The following SOX5 variants were observed in gnomAD, a reference collection of about 807,000 sequenced individuals.
The protein encoded by SOX5 is SRY-box transcription factor 5.
A neutral mutation model predicts 92.0 loss-of-function variants in SOX5; 9 were observed. The observed-to-expected ratio is 0.10, with a 90% CI of 0.06 to 0.17. The LOEUF is 0.17. SOX5 is among the 10% of genes least tolerant of loss of function. The probability of loss-of-function intolerance (pLI) is 1.00; values close to 1 mark genes in which losing one functional copy is unlikely to be tolerated. For synonymous variants in SOX5, 344 were observed against 336.3 expected (o/e 1.02, Z -0.25); for missense variants, 642 against 944.5 (o/e 0.68, Z 4.20).
intron 1 of SOX5, among the ~76,000 whole-genome samples, chr12:24,394,325 T>C (rs1959291895): frequency 6.6e-6 from 1 of 152,124 alleles, no homozygotes; most frequent in Non-Finnish European, 1.5e-5. Flanking sequence ...CAGGTACATA[T>C]TAGTTTCCCA....
At chr12:24,159,295 A>T (rs955710235) in intron 4 of SOX5, among the ~76,000 whole-genome samples, 1 of 151,938 alleles carries the variant, frequency 6.6e-6, no homozygotes, top group African/African-American at 2.4e-5. Flanking sequence ...TAAGTAAAAC[A>T]AGGTCCCTGC....
intron 1 of SOX5, among the ~76,000 whole-genome samples, chr12:24,561,833 G>A (rs1013912767): frequency 6.6e-6 from 1 of 152,140 alleles, no homozygotes; most frequent in African/African-American, 2.4e-5. Context: ...GGGTCGCTCT[G>A]ATATCCTAGA....
At chr12:23,804,945 ATATATATATATATAT>A (rs2095739636) in intron 3 of SOX5, among the ~76,000 whole-genome samples, 1 of 30,004 alleles carries the variant, frequency 3.3e-5, no homozygotes. Flanking sequence ...ATATATATAT[ATATATATATATATAT>A]ATATATATTC....
intron 13 of SOX5, among the ~76,000 whole-genome samples, chr12:23,537,037 T>G (rs973086499): frequency 6.6e-6 from 1 of 152,178 alleles, no homozygotes; most frequent in Non-Finnish European, 1.5e-5. Context: ...AATCTGAGAC[T>G]AATTATCTAG....
chr12:23,950,982 CA>C, upstream of SOX5: 1 of 610,006 alleles, frequency 1.6e-6, no homozygotes, highest in Non-Finnish European at 2.8e-6. Context: ...CGCATGCACA[CA>C]CACACACACA....
intron 3 of SOX5, among the ~76,000 whole-genome samples, chr12:23,808,462 C>G (rs1359564428): frequency 6.6e-6 from 1 of 151,960 alleles, no homozygotes; most frequent in African/African-American, 2.4e-5. Flanking sequence ...AGATTTAACC[C>G]TTAGTAATTA....
At chr12:24,516,135 C>T (rs12317893) in intron 1 of SOX5, among the ~76,000 whole-genome samples, 69,951 of 151,102 alleles carry the variant, frequency 0.46, 17,616 homozygotes, top group East Asian at 0.88. Flanking sequence ...CTCAACCTTC[C>T]GGGCTAAAGC....
intron 4 of SOX5, among the ~76,000 whole-genome samples, chr12:24,175,248 T>C (rs1458262886): frequency 6.6e-6 from 1 of 152,234 alleles, no homozygotes; most frequent in Non-Finnish European, 1.5e-5. Flanking sequence ...TCCAGCAGTT[T>C]TGCACATAGT....
intron 2 of SOX5, among the ~76,000 whole-genome samples, chr12:23,873,864 T>C (rs2096900215): frequency 6.6e-6 from 1 of 152,228 alleles, no homozygotes; most frequent in African/African-American, 2.4e-5. Context: ...GTCATTGTGC[T>C]ATAAATATTT....
chr12:24,058,945 A>G (rs1939134244), intron 4 of SOX5, among the ~76,000 whole-genome samples: 1 of 152,192 alleles, frequency 6.6e-6, no homozygotes, highest in African/African-American at 2.4e-5. Flanking sequence ...ATTCCTATGA[A>G]AAGATATCTC....
chr12:23,825,208 C>T (rs1340672198), intron 3 of SOX5, among the ~76,000 whole-genome samples: 1 of 152,146 alleles, frequency 6.6e-6, no homozygotes, highest in East Asian at 1.9e-4. Context: ...AAACCCAGGG[C>T]CCTGGTGGTA....
intron 1 of SOX5, among the ~76,000 whole-genome samples, chr12:23,910,432 C>T (rs990618621): frequency 2.0e-5 from 3 of 152,070 alleles, no homozygotes; most frequent in Admixed American, 6.6e-5. Flanking sequence ...GAAGATTTCC[C>T]GCAGGTTTAA....
chr12:23,543,845 C>T (rs1942604438), intron 12 of SOX5, among the ~76,000 whole-genome samples: 1 of 152,138 alleles, frequency 6.6e-6, no homozygotes, highest in Middle Eastern at 3.2e-3. Context: ...ACCTTATGTT[C>T]TCTTTCTCTC....
At chr12:23,557,274 T>A (rs1290568745) in intron 11 of SOX5, among the ~76,000 whole-genome samples, 1 of 152,192 alleles carries the variant, frequency 6.6e-6, no homozygotes, top group Non-Finnish European at 1.5e-5. Context: ...AAATTCTTAA[T>A]TAAAATATAC....
At chr12:23,553,791 G>C (rs1040880203) in intron 11 of SOX5, among the ~76,000 whole-genome samples, 3 of 152,226 alleles carry the variant, frequency 2.0e-5, no homozygotes, top group African/African-American at 7.2e-5. Flanking sequence ...AAAGTGGAAT[G>C]TTGTCTGATG....
intron 3 of SOX5, among the ~76,000 whole-genome samples, chr12:23,840,637 C>A (rs1439923398): frequency 2.0e-5 from 3 of 152,080 alleles, no homozygotes. Flanking sequence ...GATAGACCAA[C>A]TGATCAATGG....
chr12:24,190,651 A>G (rs1956433793), intron 4 of SOX5, among the ~76,000 whole-genome samples: 1 of 152,236 alleles, frequency 6.6e-6, no homozygotes, highest in Non-Finnish European at 1.5e-5. Flanking sequence ...CATTGTGGGT[A>G]GCAAAAGACT....
chr12:23,969,683 CA>C (rs1157035074), intron 4 of SOX5, among the ~76,000 whole-genome samples: 1 of 152,176 alleles, frequency 6.6e-6, no homozygotes, highest in Non-Finnish European at 1.5e-5. Flanking sequence ...TAAGCTAGCT[CA>C]ACCTAGTTTT....
intron 3 of SOX5, among the ~76,000 whole-genome samples, chr12:23,790,002 C>G (rs2095442961): frequency 6.6e-6 from 1 of 152,078 alleles, no homozygotes; most frequent in African/African-American, 2.4e-5. Context: ...TTTTTATAAG[C>G]ACTATTAAGA....
Sources: allele counts gnomAD v4.1 joint callset (sites outside exome capture counted in the v4.1 genomes callset), GRCh38; gene constraint gnomAD v4.1.1; transcripts MANE v1.5; gene names NCBI Gene and HGNC (gene_info 2026-07-23, HGNC 2026-07-21).